PRX: variants seen among roughly 807,000 people sequenced by gnomAD.
The protein encoded by PRX is periaxin.
PRX carries 24 observed loss-of-function variants against 29.6 expected under a neutral mutation model. That is an observed-to-expected ratio of 0.81 (90% CI 0.59 to 1.14). The LOEUF is 1.14. Ranked by LOEUF, PRX falls within the 50% of genes most tolerant of loss-of-function variation. The probability of loss-of-function intolerance (pLI) is 0.00; values close to 1 mark genes in which losing one functional copy is unlikely to be tolerated. For missense variants in PRX, 1,838 were observed against 1,926.4 expected (o/e 0.95, Z 0.86); for synonymous variants, 772 against 831.7 (o/e 0.93, Z 1.24).
chr19:40,409,004 G>A (rs927934824), intron 1 of PRX, among the ~76,000 whole-genome samples: 14 of 151,808 alleles, frequency 9.2e-5, no homozygotes, highest in African/African-American at 3.4e-4. Context: ...GGTACGCACC[G>A]CCATACCCGG....
Position 40,397,416 on chromosome 19 carries a change from T to C in PRX, c.936A>G (p.Leu312=), listed in dbSNP as rs752086513. 4 of 1,608,246 alleles carry C rather than the reference T, an allele frequency of 2.5e-6. No individual in the cohort carries two copies. The highest frequency in any genetic ancestry group is 3.4e-6 in the Non-Finnish European group (4 of 1,178,144). ...CCGACACAGCCCCTTCCCGGGTCTC[T>C]AGGCAGGGAAGTGTGGGCAGAGTGG... ...SLPTLPTLPC[L]ETREGAVSVV... Residue 312 remains leucine (L), a synonymous_variant, in exon 7 of 7, where the codon CTA becomes CTG. Transcript: ENST00000324001.
intron 4 of PRX, among the ~76,000 whole-genome samples, chr19:40,406,301 C>G (rs1267409962): frequency 1.3e-5 from 2 of 151,488 alleles, no homozygotes; most frequent in African/African-American, 4.9e-5. Context: ...TGGTCTCCAG[C>G]TCCTGGGCTC....
chr19:40,394,629 A>G lies in PRX; in HGVS notation c.3723T>C (p.Gly1241=), dbSNP rs760370809. ...GTGTGGGCAACTTCAGCCTCAGCCC[A>G]CCCTCGCCTGTGGCCGCCTCGCCCG... is the stretch of plus-strand genomic sequence containing the variant. ...AQAGEAATGE[G]GLRLKLPTLG... Residue 1241 remains glycine, a synonymous_variant, in exon 7 of 7, where the codon GGT becomes GGC. Transcript: ENST00000324001. This position sits in a 1 kb window ranked among gnomAD's most constrained non-coding sequence, Gnocchi z 5.8. 6.2e-7 allele frequency: 1 copy of G among 1,604,508 alleles called. No homozygotes were observed. The highest frequency in any genetic ancestry group is 1.1e-5 in the South Asian group (1 of 90,938).
At position 40,394,580 on chromosome 19, in the gene PRX, C is replaced by T. The variant is rs781392383; in HGVS notation, c.3772G>A (p.Gly1258Ser). 2 of 1,609,268 alleles carry T rather than the reference C, an allele frequency of 1.2e-6. No individual in the cohort carries two copies. Among genetic ancestry groups the T allele is most frequent in the Middle Eastern group, 1.7e-4 (1 of 6,054 alleles). The change falls in exon 7 of 7, where the codon GGC (glycine) becomes AGC (serine). Residue 1258 changes from glycine to serine, a missense_variant. By Grantham distance (56) the Gly-to-Ser change is moderately conservative (BLOSUM62 0). Around this residue, in one of 3 missense-constraint regions of PRX, gnomAD observed 1,143 missense variants for 1,193.0 expected, o/e 0.96. Transcript: ENST00000324001. The surrounding 1 kb of genome is among the most constrained non-coding windows in gnomAD (Gnocchi z 5.8). ...GGGGGCTGCTCCTCAGCACCCTCGCCCCCCACCCTAGCTCTGGCCCCCAGT... is the reference window on the plus strand; with the variant it reads ...GGGGGCTGCTCCTCAGCACCCTCGCTCCCCACCCTAGCTCTGGCCCCCAGT... The part of the protein sequence containing the change: ...PTLGARARVG[G>S]EGAEEQPPGA...
At chr19:40,406,696 G>A (rs989108204) in intron 4 of PRX, among the ~76,000 whole-genome samples, 1 of 151,938 alleles carries the variant, frequency 6.6e-6, no homozygotes, top group African/African-American at 2.4e-5. Flanking sequence ...CATTCAAAGA[G>A]GCTTCCTCAG....
intron 5 of PRX, among the ~76,000 whole-genome samples, chr19:40,399,855 CTTT>C (rs2079476576): frequency 1.2e-5 from 1 of 85,708 alleles, no homozygotes; most frequent in South Asian, 3.0e-4. Flanking sequence ...TCTTTCCTTT[CTTT>C]CTTTCTTTCT....
chr19:40,395,311 A>G lies in PRX; in HGVS notation c.3041T>C (p.Leu1014Pro), dbSNP rs766119564. 2.6e-5 allele frequency: 42 copies of G among 1,613,394 alleles called. No homozygotes were observed. In the Admixed American group the frequency reaches 2.7e-4, roughly 10 times the overall value. ...SGKVEVAGADLKFKGPRFALP... is the reference protein window; with the variant it reads ...SGKVEVAGADPKFKGPRFALP... ...AGCAAACCTGGGCCCCTTGAACTTG[A>G]GGTCGGCCCCTGCCACCTCTACCTT... is the stretch of plus-strand genomic sequence containing the variant. Residue 1014 changes from leucine to proline, a missense_variant, in exon 7 of 7, where the codon CTC becomes CCC. By Grantham distance (98) the Leu-to-Pro change is moderately conservative. Around this residue, in one of 3 missense-constraint regions of PRX, gnomAD observed 1,143 missense variants for 1,193.0 expected, o/e 0.96. Transcript: ENST00000324001.
Position 40,395,980 on chromosome 19 carries a change from T to C in PRX, c.2372A>G (p.Gln791Arg). The change falls in exon 7 of 7, where the codon CAG (glutamine) becomes CGG (arginine). Residue 791 changes from glutamine (Q) to arginine (R), a missense_variant. By Grantham distance (43) the Gln-to-Arg change is conservative. Coordinates refer to ENST00000324001, the MANE Select transcript of PRX (RefSeq NM_181882.3). ...GAAGCCAAATTCCATCCCTTCTGCC[T>C]GTTCTGCCTTGGTGGCCTTTAGCTG... is the stretch of plus-strand genomic sequence containing the variant. ...EVQLKATKAE[Q>R]AEGMEFGFKM... is the part of the protein sequence containing the mutation. 2.5e-6 allele frequency: 4 copies of C among 1,614,102 alleles called. No homozygotes were observed. The highest frequency in any genetic ancestry group is 3.4e-6 in the Non-Finnish European group (4 of 1,180,014).
intron 5 of PRX, among the ~76,000 whole-genome samples, chr19:40,402,981 C>T (rs180874213): frequency 6.6e-6 from 1 of 151,912 alleles, no homozygotes; most frequent in African/African-American, 2.4e-5. Context: ...ACCAGCCTGG[C>T]CAACATAGTG....
At chr19:40,399,907 T>TTTCTTTCTTTCTTTCTTTC (rs1568712005) in intron 5 of PRX, among the ~76,000 whole-genome samples, 1 of 90,700 alleles carries the variant, frequency 1.1e-5, no homozygotes, top group Middle Eastern at 5.1e-3. Context: ...TTCTTTCTTT[T>TTTCTTTCTTTCTTTCTTTC]TCTTTCTTTC....
Position 40,398,036 on chromosome 19 carries a change from C to T in PRX, c.382-66G>A. 1 of 1,544,060 alleles carries T rather than the reference C, an allele frequency of 6.5e-7. No homozygotes were observed. Among genetic ancestry groups the T allele is most frequent in the South Asian group, 1.2e-5 (1 of 82,382 alleles). On this transcript the variant is annotated intron_variant, in intron 6 of 6. Transcript: ENST00000324001. The surrounding 1 kb of genome is among the most constrained non-coding windows in gnomAD (Gnocchi z 6.3). Reference sequence around the variant, plus strand: ...GGAGGCTGGGAGTGGACAGGAAGAGCCCCACCTGGTATTGGACCAGGCGGG... The same window carrying T: ...GGAGGCTGGGAGTGGACAGGAAGAGTCCCACCTGGTATTGGACCAGGCGGG...
At chr19:40,407,253 T>TGTGTGTGTGTGTGTGTGTG (rs1303300315) in intron 4 of PRX, among the ~76,000 whole-genome samples, 5 of 147,004 alleles carry the variant, frequency 3.4e-5, no homozygotes, top group African/African-American at 1.3e-4. Context: ...TGTGTGTGTG[T>TGTGTGTGTGTGTGTGTGTG]TTAGACAGGG....
chr19:40,394,544 G>T lies in PRX; in HGVS notation c.3808C>A (p.Arg1270Ser), dbSNP rs760423702. The T allele has an allele frequency of 6.2e-7, 1 of 1,604,724 alleles. No individual in the cohort carries two copies. Among genetic ancestry groups the T allele is most frequent in the Admixed American group, 1.7e-5 (1 of 58,946 alleles). Residue 1270 changes from arginine to serine, a missense_variant, in exon 7 of 7, where the codon CGT (arginine) becomes AGT (serine). By Grantham distance (110) the Arg-to-Ser change is moderately radical. This residue lies in a region of PRX where 1,143 missense variants were observed against 1,193.0 expected (regional missense o/e 0.96). Transcript: ENST00000324001. The surrounding 1 kb of genome is among the most constrained non-coding windows in gnomAD (Gnocchi z 5.8). ...GAEEQPPGAE[R>S]TFCLSLPDVE... is the part of the protein sequence containing the mutation. ...TCGGGCAGTGAGAGGCAGAAGGTACGCTCGGCCCCTGGGGGCTGCTCCTCA... is the reference window on the plus strand; with the variant it reads ...TCGGGCAGTGAGAGGCAGAAGGTACTCTCGGCCCCTGGGGGCTGCTCCTCA...
In PRX at chr19:40,394,019, T is replaced by C. The variant is rs368067072; in HGVS notation, c.4333A>G (p.Thr1445Ala). Reference sequence around the variant, plus strand: ...ATCCTGGCCGGGCCTGGAGCCCCTGTCTCTGAAAACCCCACGCTGGGCAGC... The same window carrying C: ...ATCCTGGCCGGGCCTGGAGCCCCTGCCTCTGAAAACCCCACGCTGGGCAGC... Reference protein sequence around the residue: ...VRLPSVGFSETGAPGPARMEG... With the variant: ...VRLPSVGFSEAGAPGPARMEG... Residue 1445 changes from threonine to alanine, a missense_variant, in exon 7 of 7, where the codon ACA becomes GCA. Physicochemically the swap from Thr to Ala is moderately conservative, Grantham distance 58. Transcript: ENST00000324001. This position sits in a 1 kb window ranked among gnomAD's most constrained non-coding sequence, Gnocchi z 5.8. 12 of 1,613,460 alleles carry C rather than the reference T, an allele frequency of 7.4e-6. No homozygotes were observed. The African/African-American group carries it at 1.2e-4, about 16-fold the overall frequency.
In PRX at chr19:40,394,884, C is replaced by G; in HGVS notation, c.3468G>C (p.Glu1156Asp). The G allele has an allele frequency of 6.2e-7, 1 of 1,611,590 alleles. No homozygotes were observed. The highest frequency in any genetic ancestry group is 8.5e-7 in the Non-Finnish European group (1 of 1,179,990). ...PPLGISLPQV[E>D]LTGFGEAGTP... ...TACCTGCCTCCCCAAAGCCGGTCAG[C>G]TCCACCTGTGGCAGGGAGATGCCCA... Residue 1156 changes from glutamate to aspartate, a missense_variant, in exon 7 of 7, where the codon GAG becomes GAC. Glu to Asp is a conservative substitution (Grantham distance 45). Coordinates refer to ENST00000324001, the MANE Select transcript of PRX (RefSeq NM_181882.3). This position sits in a 1 kb window ranked among gnomAD's most constrained non-coding sequence, Gnocchi z 5.8.
At chr19:40,414,296 G>A (rs751471885), upstream of PRX, among the ~76,000 whole-genome samples, 1 of 152,172 alleles carries the variant, frequency 6.6e-6, no homozygotes, top group Non-Finnish European at 1.5e-5. Context: ...GCTAATTTTT[G>A]TATTTTTTGT....
chr19:40,396,633 C>G lies in PRX; in HGVS notation c.1719G>C (p.Gln573His). Residue 573 changes from glutamine to histidine, a missense_variant, in exon 7 of 7, where the codon CAG (glutamine) becomes CAC (histidine). Gln to His is a conservative substitution (Grantham distance 24, BLOSUM62 0). Around this residue, in one of 3 missense-constraint regions of PRX, gnomAD observed 1,143 missense variants for 1,193.0 expected, o/e 0.96. Transcript: ENST00000324001. ...CTTTCATCTCTGGCACTTTCGGCAG[C>G]TGCACCTCTGGAAGCCGCACCTCTG... The part of the protein sequence containing the change: ...AVPEVRLPEV[Q>H]LPKVPEMKVP... 1.2e-6 allele frequency: 2 copies of G among 1,614,142 alleles called. No homozygotes were observed. Among genetic ancestry groups the G allele is most frequent in the Non-Finnish European group, 1.7e-6 (2 of 1,180,026 alleles).
At chr19:40,404,292 C>T (rs1341384280) in intron 4 of PRX, among the ~76,000 whole-genome samples, 2 of 151,922 alleles carry the variant, frequency 1.3e-5, no homozygotes, top group Admixed American at 6.6e-5. Context: ...GAGCGGCAGC[C>T]GAAAGGGGTT....
intron 5 of PRX, among the ~76,000 whole-genome samples, chr19:40,401,222 G>A (rs2079491769): frequency 6.6e-6 from 1 of 152,128 alleles, no homozygotes; most frequent in Admixed American, 6.6e-5. Flanking sequence ...TCTCTTACCT[G>A]GATAATCACA....
Sources: allele counts gnomAD v4.1 joint callset (sites outside exome capture counted in the v4.1 genomes callset), GRCh38; gene constraint gnomAD v4.1.1; regional missense constraint gnomAD v4.1.1; non-coding constraint Gnocchi (gnomAD v3.1); transcripts MANE v1.5; gene names NCBI Gene and HGNC (gene_info 2026-07-23, HGNC 2026-07-21).